ELAVL1: variants seen among roughly 807,000 people sequenced by gnomAD.
ELAVL1 encodes ELAV like RNA binding protein 1, also known as ELAV-like protein 1.
Under a neutral mutation model 28.4 loss-of-function variants are expected in ELAVL1, and 1 was observed. The observed-to-expected ratio is 0.04, with a 90% CI of 0.01 to 0.17. ELAVL1 has a LOEUF of 0.17. Among genes scored for constraint, ELAVL1 ranks in the 10% least tolerant of loss-of-function variants. ELAVL1 has a pLI of 1.00. For missense variants in ELAVL1, 157 were observed against 447.2 expected (o/e 0.35, Z 5.85); for synonymous variants, 174 against 183.5 (o/e 0.95, Z 0.42).
At chr19:7,976,111 AT>A (rs942352545) in intron 3 of ELAVL1, among the ~76,000 whole-genome samples, 4 of 146,690 alleles carry the variant, frequency 2.7e-5, no homozygotes, top group African/African-American at 2.5e-5. Context: ...AAAAAAAAGT[AT>A]TTTTTTTTGG....
At chr19:7,993,909 G>T (rs759691823) in intron 1 of ELAVL1, among the ~76,000 whole-genome samples, 3 of 152,184 alleles carry the variant, frequency 2.0e-5, no homozygotes, top group Non-Finnish European at 4.4e-5. Flanking sequence ...GCCGAGGGAA[G>T]AATTAGGTCT....
intron 4 of ELAVL1, among the ~76,000 whole-genome samples, chr19:7,969,921 T>C (rs767071016): frequency 6.6e-6 from 1 of 152,174 alleles, no homozygotes; most frequent in African/African-American, 2.4e-5. Context: ...GGATGTATAC[T>C]TTCTGAAGAT....
chr19:7,992,798 T>C (rs2145223813), intron 1 of ELAVL1, among the ~76,000 whole-genome samples: 1 of 152,306 alleles, frequency 6.6e-6, no homozygotes, highest in East Asian at 1.9e-4. Context: ...AGAGGTACCA[T>C]GTGAATGTGA....
rs531672974 is a variant in ELAVL1 at position 7,991,114 on chromosome 19, G to C, written c.172+530C>G. Among the ~76,000 whole-genome samples the C allele has an allele frequency of 2.0e-5, 3 of 152,336 alleles. No individual in the cohort carries two copies. In the East Asian group the frequency reaches 5.8e-4, roughly 29 times the overall value. ...CCTCTGAGAGTTCAAGCTCAGCATG[G>C]TGCAGAAGTTCAAGTTGATGGTGTT... On this transcript the variant is annotated intron_variant, in intron 2 of 5. Coordinates refer to ENST00000407627, the MANE Select transcript of ELAVL1 (RefSeq NM_001419.3).
chr19:8,003,463 C>A (rs533883451), intron 1 of ELAVL1, among the ~76,000 whole-genome samples: 1 of 150,276 alleles, frequency 6.7e-6, no homozygotes, highest in African/African-American at 2.4e-5. Context: ...GAGGCCGAGG[C>A]GGGCGGATCA....
At chr19:7,964,414 A>G (rs867604614) in intron 5 of ELAVL1, among the ~76,000 whole-genome samples, 2 of 152,142 alleles carry the variant, frequency 1.3e-5, no homozygotes, top group Admixed American at 6.5e-5. Flanking sequence ...GTCAGGGGCC[A>G]AACCACTGAG....
At chr19:7,995,050 TG>T (rs1985842522) in intron 1 of ELAVL1, among the ~76,000 whole-genome samples, 1 of 152,164 alleles carries the variant, frequency 6.6e-6, no homozygotes, top group Non-Finnish European at 1.5e-5. Flanking sequence ...TAATGGGAAA[TG>T]GCTAAATTTC....
intron 4 of ELAVL1, among the ~76,000 whole-genome samples, chr19:7,971,226 G>A (rs553386053): frequency 2.0e-5 from 3 of 152,332 alleles, no homozygotes; most frequent in East Asian, 3.9e-4. Context: ...CCCCCTGCCT[G>A]TGGCCCGTGT....
At chr19:7,968,293 G>A (rs934106422) in intron 4 of ELAVL1, among the ~76,000 whole-genome samples, 3 of 152,208 alleles carry the variant, frequency 2.0e-5, no homozygotes, top group Non-Finnish European at 2.9e-5. Context: ...TCGTGGCCGA[G>A]CCTGCTGCAA....
At chr19:7,984,772 C>T (rs767924433) in intron 2 of ELAVL1, among the ~76,000 whole-genome samples, 1 of 152,320 alleles carries the variant, frequency 6.6e-6, no homozygotes, top group Admixed American at 6.5e-5. Flanking sequence ...GGTTTCCACC[C>T]GCTGGGTGAG....
chr19:7,966,659 A>G (rs937300132), intron 5 of ELAVL1, among the ~76,000 whole-genome samples: 7 of 152,164 alleles, frequency 4.6e-5, no homozygotes, highest in African/African-American at 1.7e-4. Flanking sequence ...TCACTCTATC[A>G]CCCAGGCTGC....
In ELAVL1 at chr19:7,979,757, C is replaced by A. The variant is rs965961142; in HGVS notation, c.276+1326G>T. Among the ~76,000 whole-genome samples the A allele has an allele frequency of 6.6e-6, 1 of 152,326 alleles. No individual in the cohort carries two copies. Among genetic ancestry groups the A allele is most frequent in the African/African-American group, 2.4e-5 (1 of 41,574 alleles). On this transcript the variant is annotated intron_variant, in intron 3 of 5. Coordinates refer to ENST00000407627, the MANE Select transcript of ELAVL1 (RefSeq NM_001419.3). The surrounding 1 kb of genome is among the most constrained non-coding windows in gnomAD (Gnocchi z 5.4). ...CCCTCAGGGAGCCCACTGCACACCA[C>A]GTCCATGCGGCATGGGGCAGGTCTG...
rs1985490555 is a variant in ELAVL1, at chr19:7,982,495, C to A, written c.173-1309G>T. On this transcript the variant is annotated intron_variant, in intron 2 of 5. Coordinates refer to ENST00000407627, the MANE Select transcript of ELAVL1 (RefSeq NM_001419.3). This position sits in a 1 kb window ranked among gnomAD's most constrained non-coding sequence, Gnocchi z 4.3. Reference sequence around the variant, plus strand: ...CAAGATTACAAATCCAGCAGAGAGCCTAACCCAGGTTTGCCACTTTCTTTT... The same window carrying A: ...CAAGATTACAAATCCAGCAGAGAGCATAACCCAGGTTTGCCACTTTCTTTT... 6.6e-6 allele frequency among the ~76,000 whole-genome samples: 1 copy of A among 152,214 alleles called. No homozygotes were observed. The highest frequency in any genetic ancestry group is 2.4e-5 in the African/African-American group (1 of 41,462).
At chr19:7,965,990 C>CA (rs1984945001) in intron 5 of ELAVL1, among the ~76,000 whole-genome samples, 1 of 152,172 alleles carries the variant, frequency 6.6e-6, no homozygotes, top group South Asian at 2.1e-4. Flanking sequence ...ATGAGAATAA[C>CA]ACCTCTCACA....
At chr19:7,972,152 T>C (rs1485307681) in intron 4 of ELAVL1, among the ~76,000 whole-genome samples, 1 of 151,948 alleles carries the variant, frequency 6.6e-6, no homozygotes, top group East Asian at 1.9e-4. Context: ...GCTCAGGGAG[T>C]GGATTCTTCC....
In ELAVL1 at chr19:7,960,078, T is replaced by C. The variant is rs1308408043; in HGVS notation, c.*3405A>G. 1 of 152,252 alleles carries C rather than the reference T, an allele frequency of 6.6e-6. No homozygotes were observed. The highest frequency in any genetic ancestry group is 1.5e-5 in the Non-Finnish European group (1 of 68,042). 9.4% of individuals were successfully genotyped at this position (152,252 alleles called of 1,614,324 possible). Reference sequence around the variant, plus strand: ...GTCCGATGCCGGACTGGGTAAGTCATGTCTTTTCAATGCCTGGTGGACAAA... The same window carrying C: ...GTCCGATGCCGGACTGGGTAAGTCACGTCTTTTCAATGCCTGGTGGACAAA... On this transcript the variant is annotated 3_prime_UTR_variant, in exon 6 of 6. Coordinates refer to ENST00000407627, the MANE Select transcript of ELAVL1 (RefSeq NM_001419.3).
At position 7,961,678 on chromosome 19, in the gene ELAVL1, A is replaced by C. The variant is rs551133212; in HGVS notation, c.*1805T>G. The C allele has an allele frequency of 1.3e-5, 2 of 152,252 alleles. No individual in the cohort carries two copies. Among genetic ancestry groups the C allele is most frequent in the East Asian group, 3.9e-4 (2 of 5,178 alleles). 9.4% of individuals were successfully genotyped at this position (152,252 alleles called of 1,614,324 possible). On this transcript the variant is annotated 3_prime_UTR_variant, in exon 6 of 6. Transcript: ENST00000407627. ...TTTATGAGACACAGCCTGGGTACGG[A>C]TGGCAACATCATCAATTTGCAAGGA...
In ELAVL1 at chr19:7,979,078, G is replaced by A. The variant is rs548492295; in HGVS notation, c.276+2005C>T. On this transcript the variant is annotated intron_variant, in intron 3 of 5. Coordinates refer to ENST00000407627, the MANE Select transcript of ELAVL1 (RefSeq NM_001419.3). The surrounding 1 kb of genome is among the most constrained non-coding windows in gnomAD (Gnocchi z 5.4). The stretch of plus-strand genomic sequence containing the variant: ...GGAATGAACACACTTGGAGCACAGA[G>A]GACCCCAGGGCTGCGCCGGGGGAAC... Among the ~76,000 whole-genome samples, 5 of 152,240 alleles carry A rather than the reference G, an allele frequency of 3.3e-5. No individual in the cohort carries two copies. Among genetic ancestry groups the A allele is most frequent in the African/African-American group, 4.8e-5 (2 of 41,460 alleles).
intron 4 of ELAVL1, among the ~76,000 whole-genome samples, chr19:7,971,361 G>A (rs770682889): frequency 6.6e-6 from 1 of 152,210 alleles, no homozygotes; most frequent in African/African-American, 2.4e-5. Flanking sequence ...CAGACAGGCC[G>A]AGGCAGAGCA....
Sources: allele counts gnomAD v4.1 joint callset (sites outside exome capture counted in the v4.1 genomes callset), GRCh38; gene constraint gnomAD v4.1.1; non-coding constraint Gnocchi (gnomAD v3.1); transcripts MANE v1.5; gene names NCBI Gene and HGNC (gene_info 2026-07-23, HGNC 2026-07-21).